Variants in DDRGK1 observed in about 807,000 individuals in gnomAD.
DDRGK1 encodes DDRGK domain containing 1.
DDRGK1 carries 38 observed loss-of-function variants against 45.8 expected under a neutral mutation model. The ratio of observed to expected loss-of-function variants is 0.83; its 90% CI spans 0.64 to 1.09. The LOEUF (loss-of-function observed/expected upper bound fraction) is 1.09. Ranked by LOEUF, DDRGK1 falls within the 50% of genes least tolerant of loss-of-function variation. The probability of loss-of-function intolerance (pLI) is 0.00; values close to 1 mark genes in which losing one functional copy is unlikely to be tolerated. For missense variants in DDRGK1, 403 were observed against 419.9 expected (o/e 0.96, Z 0.35); for synonymous variants, 171 against 168.7 (o/e 1.01, Z -0.11).
Position 3,191,170 on chromosome 20 carries a change from A to T in DDRGK1, c.778+20T>A. The T allele has an allele frequency of 1.2e-6, 2 of 1,614,114 alleles. No homozygotes were observed. Among genetic ancestry groups the T allele is most frequent in the Non-Finnish European group, 1.7e-6 (2 of 1,179,994 alleles). On this transcript the variant is annotated intron_variant, in intron 8 of 8. Coordinates refer to ENST00000354488, the MANE Select transcript of DDRGK1 (RefSeq NM_023935.3). ...ACTCTCCAAGGCCAGGACTGCAGTG[A>T]TTGGCTCTCATCATCTCACCTGTTA...
chr20:3,202,508 C>T (rs1164670302), intron 2 of DDRGK1, among the ~76,000 whole-genome samples: 1 of 152,208 alleles, frequency 6.6e-6, no homozygotes, highest in Non-Finnish European at 1.5e-5. Flanking sequence ...AAATGACAGT[C>T]CCAACACTAT....
In DDRGK1 at chr20:3,190,630, A is replaced by G. The variant is rs373862544; in HGVS notation, c.*23T>C. 129 of 1,611,880 alleles carry G rather than the reference A, an allele frequency of 8.0e-5. No homozygotes were observed. Among genetic ancestry groups the G allele is most frequent in the Non-Finnish European group, 1.1e-4 (127 of 1,179,336 alleles). On this transcript the variant is annotated 3_prime_UTR_variant, in exon 9 of 9. Transcript: ENST00000354488. ...AGCCAGGTAGGCCACACCAACTCTG[A>G]GTCCAAGAGGGAAGGACTGGGGTCA...
At chr20:3,201,478 CA>C (rs1191917763) in intron 2 of DDRGK1, among the ~76,000 whole-genome samples, 14,407 of 69,310 alleles carry the variant, frequency 0.21, 813 homozygotes, top group African/African-American at 0.33. Flanking sequence ...GACTCTGTCT[CA>C]AAAAAAAAAA....
chr20:3,195,261 TTCC>T lies in DDRGK1; in HGVS notation c.600_602del (p.Glu201del). The stretch of plus-strand genomic sequence containing the variant: ...CCTCAGTCATGGTCTCTCCTACGCC[TTCC>T]TCCTCCACCACAAAGGCCTCCTTCA... On this transcript the variant is annotated inframe_deletion, in exon 5 of 9. Coordinates refer to ENST00000354488, the MANE Select transcript of DDRGK1 (RefSeq NM_023935.3). 1.2e-6 allele frequency: 2 copies of T among 1,613,996 alleles called. No individual in the cohort carries two copies. The highest frequency in any genetic ancestry group is 2.2e-5 in the South Asian group (2 of 91,082).
At chr20:3,192,102 C>T (rs1214044958) in intron 6 of DDRGK1, among the ~76,000 whole-genome samples, 2 of 125,194 alleles carry the variant, frequency 1.6e-5, no homozygotes, top group African/African-American at 6.5e-5. Flanking sequence ...CCTCATGGGC[C>T]CTGTCCTGGA....
In DDRGK1 at chr20:3,194,488, G is replaced by A. The variant is rs540415594; in HGVS notation, c.672+342C>T. On this transcript the variant is annotated intron_variant, in intron 6 of 8. Coordinates refer to ENST00000354488, the MANE Select transcript of DDRGK1 (RefSeq NM_023935.3). ...AGAGGATGCTTGTTTCAACTCAGTG[G>A]AGCCTCAGTGTGACAGAACTGACAG... Among the ~76,000 whole-genome samples, 4 of 152,344 alleles carry A rather than the reference G, an allele frequency of 2.6e-5. No individual in the cohort carries two copies. In the South Asian group the frequency reaches 6.2e-4, roughly 24 times the overall value.
chr20:3,203,141 C>A, intron 2 of DDRGK1, 72 bp downstream of exon 2: 1 of 1,382,402 alleles, frequency 7.2e-7, no homozygotes. Flanking sequence ...TACTCCCCCA[C>A]TTAGCTTTGG....
Position 3,195,373 on chromosome 20 carries a change from A to G in DDRGK1, c.511-20T>C. 6.4e-7 allele frequency: 1 copy of G among 1,574,252 alleles called. No homozygotes were observed. Among genetic ancestry groups the G allele is most frequent in the Non-Finnish European group, 8.6e-7 (1 of 1,162,570 alleles). On this transcript the variant is annotated intron_variant, in intron 4 of 8. Transcript: ENST00000354488. ...CTCCTCCTGTGGACATAGGAGGCAA[A>G]AGTCAGGTATCGGGGGCAGAACAGG...
chr20:3,201,255 T>C (rs1307497267), intron 2 of DDRGK1, among the ~76,000 whole-genome samples: 2 of 129,772 alleles, frequency 1.5e-5, no homozygotes, highest in African/African-American at 3.0e-5. Flanking sequence ...CTGCACTCCA[T>C]CCAGCCTGGG....
rs755513178 is a variant in DDRGK1, at chr20:3,196,505, G to GT, written c.511-1153dup. ...ATCCTGGCTAACACGGTGAAACCCT[G>GT]TCTCCACTAAAAATACAAAAAAAAA... On this transcript the variant is annotated intron_variant, in intron 4 of 8. Transcript: ENST00000354488. Among the ~76,000 whole-genome samples, 565 of 115,864 alleles carry GT rather than the reference G, an allele frequency of 4.9e-3. 6 individuals carry two copies. Among genetic ancestry groups the GT allele is most frequent in the Admixed American group, 8.3e-3 (100 of 12,018 alleles). The allele number at this position is 115,864 out of a possible 152,430, so 76.0% of individuals were successfully genotyped here.
At chr20:3,196,413 C>G (rs1241234656) in intron 4 of DDRGK1, among the ~76,000 whole-genome samples, 5 of 152,016 alleles carry the variant, frequency 3.3e-5, no homozygotes, top group Non-Finnish European at 7.4e-5. Flanking sequence ...CGTGGTGGCT[C>G]ACGCCTGTAA....
In DDRGK1 at chr20:3,191,825, C is replaced by T. The variant is rs1380912056; in HGVS notation, c.673-4G>A. The T allele has an allele frequency of 3.1e-6, 5 of 1,606,282 alleles. No individual in the cohort carries two copies. Among genetic ancestry groups the T allele is most frequent in the Non-Finnish European group, 3.4e-6 (4 of 1,176,518 alleles). The stretch of plus-strand genomic sequence containing the variant: ...CCAAGAGCACAACCTTGGACTGCTA[C>T]AAAAAGAAGGAGGAAAAGAAAGAGA... On this transcript the variant is annotated splice_region_variant and splice_polypyrimidine_tract_variant and intron_variant, in intron 6 of 8. Coordinates refer to ENST00000354488, the MANE Select transcript of DDRGK1 (RefSeq NM_023935.3).
chr20:3,200,536 C>T, intron 2 of DDRGK1, 82 bp from the exon 3 acceptor site: 1 of 1,283,478 alleles, frequency 7.8e-7, no homozygotes, highest in Non-Finnish European at 1.1e-6. Context: ...TCGTCCCTCC[C>T]CTAACAGGGG....
chr20:3,200,144 C>A (rs2067029639), intron 3 of DDRGK1, 42 bp from the exon 4 acceptor site: 4 of 1,596,030 alleles, frequency 2.5e-6, no homozygotes, highest in African/African-American at 1.3e-5. Context: ...TCACCCCCGG[C>A]TAGAGTGTGC....
chr20:3,197,719 C>T (rs796667057), intron 4 of DDRGK1, among the ~76,000 whole-genome samples: 4 of 151,306 alleles, frequency 2.6e-5, no homozygotes, highest in African/African-American at 9.7e-5. Context: ...CACCTGAAGT[C>T]AAGAGTTCAA....
At chr20:3,194,091 G>C (rs1027695547) in intron 6 of DDRGK1, among the ~76,000 whole-genome samples, 15 of 152,158 alleles carry the variant, frequency 9.9e-5, no homozygotes, top group African/African-American at 3.6e-4. Flanking sequence ...GCCCCTCGCT[G>C]CTGGCAGGCG....
chr20:3,195,082 C>A, intron 5 of DDRGK1, 149 bp downstream of exon 5: 2 of 1,420,022 alleles, frequency 1.4e-6, no homozygotes, highest in Non-Finnish European at 1.9e-6. Context: ...GAGGACAAGG[C>A]CTCTGGCCAC....
intron 3 of DDRGK1, 56 bp downstream of exon 3, chr20:3,200,286 A>G: frequency 2.6e-6 from 4 of 1,518,372 alleles, no homozygotes; most frequent in South Asian, 1.2e-5. Flanking sequence ...TTAGGGAAAA[A>G]GGAAGGCAGT....
Position 3,204,588 on chromosome 20 carries a change from G to T in DDRGK1, c.40C>A (p.Leu14Ile), listed in dbSNP as rs2067057810. The T allele has an allele frequency of 1.9e-6, 3 of 1,579,604 alleles. No individual in the cohort carries two copies. The South Asian group carries it at 3.4e-5, about 18-fold the overall frequency. ...PVWYLVAAAL[L>I]VGFILFLTRS... ...GTCAGGAAGAGGATAAAGCCGACTA[G>T]CAGAGCCGCCGCTACCAAGTACCAC... Residue 14 changes from leucine to isoleucine, a missense_variant, in exon 1 of 9, where the codon CTA (leucine) becomes ATA (isoleucine). Physicochemically the swap from Leu to Ile is conservative, Grantham distance 5. Transcript: ENST00000354488.
Sources: gnomAD v4.1 joint callset for allele counts (sites outside exome capture counted in the v4.1 genomes callset) on GRCh38, gnomAD v4.1.1 for gene constraint, MANE v1.5 for transcripts, NCBI Gene and HGNC (gene_info 2026-07-23, HGNC 2026-07-21) for gene names.